OXCT1: variants seen among roughly 807,000 people sequenced by gnomAD.
OXCT1 encodes succinyl-CoA:3-ketoacid coenzyme A transferase 1, mitochondrial.
OXCT1 carries 27 observed loss-of-function variants against 69.6 expected under a neutral mutation model. The observed-to-expected ratio is 0.39, with a 90% CI of 0.29 to 0.54. The LOEUF (loss-of-function observed/expected upper bound fraction) is 0.54. OXCT1 is among the 20% of genes least tolerant of loss of function. The probability of loss-of-function intolerance (pLI) is 0.72; values close to 1 mark genes in which losing one functional copy is unlikely to be tolerated. For synonymous variants in OXCT1, 202 were observed against 217.8 expected (o/e 0.93, Z 0.64); for missense variants, 437 against 650.2 (o/e 0.67, Z 3.57).
At chr5:41,852,278 G>A (rs188906298) in intron 4 of OXCT1, among the ~76,000 whole-genome samples, 1 of 152,310 alleles carries the variant, frequency 6.6e-6, no homozygotes, top group Admixed American at 6.5e-5. Context: ...GTATGTACAG[G>A]TAACGGTGCT....
At chr5:41,792,669 C>T (rs934695743) in intron 13 of OXCT1, among the ~76,000 whole-genome samples, 1 of 152,186 alleles carries the variant, frequency 6.6e-6, no homozygotes, top group African/African-American at 2.4e-5. Context: ...GCTGCTAACC[C>T]TTGTAACTAT....
chr5:41,826,348 GTGCCTTGCCAGC>G, intron 7 of OXCT1, among the ~76,000 whole-genome samples: 1 of 152,284 alleles, frequency 6.6e-6, no homozygotes, highest in Middle Eastern at 3.4e-3. Flanking sequence ...TACAGAGGAT[GTGCCTTGCCAGC>G]TGCCATTTAC....
In OXCT1 at chr5:41,731,444, C is replaced by A; in HGVS notation, c.*285G>T. 1.0e-6 allele frequency: 1 copy of A among 972,480 alleles called. No individual in the cohort carries two copies. Among genetic ancestry groups the A allele is most frequent in the Non-Finnish European group, 1.3e-6 (1 of 754,120 alleles). 60.2% of individuals were successfully genotyped at this position (972,480 alleles called of 1,614,324 possible). A position where few individuals can be genotyped will look rare whatever the true frequency, so the allele number is the denominator to read the frequency against. The stretch of plus-strand genomic sequence containing the variant: ...TTGGGGAAAGGTTCATATAATTTAG[C>A]ATACATACCATATTCAGTGAAAATG... On this transcript the variant is annotated 3_prime_UTR_variant, in exon 17 of 17. Coordinates refer to ENST00000196371, the MANE Select transcript of OXCT1 (RefSeq NM_000436.4).
chr5:41,825,879 C>A (rs11744279), intron 7 of OXCT1, among the ~76,000 whole-genome samples: 35,882 of 152,140 alleles, frequency 0.24, 4,439 homozygotes, highest in Middle Eastern at 0.34. Context: ...AAAAAAGTCA[C>A]AGTGGTTATT....
chr5:41,868,591 C>G (rs976266222), intron 1 of OXCT1, among the ~76,000 whole-genome samples: 11 of 151,500 alleles, frequency 7.3e-5, no homozygotes, highest in South Asian at 6.2e-4. Flanking sequence ...GGCGTAGTGG[C>G]GGGCGCCTGT....
chr5:41,755,710 A>G (rs898040305), intron 14 of OXCT1, among the ~76,000 whole-genome samples: 1 of 152,140 alleles, frequency 6.6e-6, no homozygotes, highest in Non-Finnish European at 1.5e-5. Flanking sequence ...TTTCAGCTCT[A>G]TATGAGACCT....
intron 13 of OXCT1, among the ~76,000 whole-genome samples, chr5:41,766,662 A>G (rs953063129): frequency 4.6e-5 from 7 of 152,160 alleles, no homozygotes; most frequent in African/African-American, 1.7e-4. Flanking sequence ...GGAAAAATGA[A>G]TGCATTTGAA....
intron 13 of OXCT1, among the ~76,000 whole-genome samples, chr5:41,770,701 A>G (rs1453107559): frequency 6.6e-6 from 1 of 152,144 alleles, no homozygotes; most frequent in Non-Finnish European, 1.5e-5. Context: ...TCCTAAAACT[A>G]CCACTTCTGT....
In OXCT1 at chr5:41,844,117, G is replaced by C. The variant is rs78920251; in HGVS notation, c.565-1336C>G. Among the ~76,000 whole-genome samples, 388 of 152,262 alleles carry C rather than the reference G, an allele frequency of 2.5e-3. 2 individuals carry two copies. Among genetic ancestry groups the C allele is most frequent in the Non-Finnish European group, 4.2e-3 (284 of 68,016 alleles). ...TTATATTCTAGTTACATAATTTTCT[G>C]ATGTGTCTACATACCAGCTGTTGCT... On this transcript the variant is annotated intron_variant, in intron 5 of 16. Transcript: ENST00000196371.
rs370994229 is a variant in OXCT1, at chr5:41,862,712, A to G, written c.117T>C (p.His39=). Residue 39 remains histidine (H), a synonymous_variant, in exon 2 of 17, where the codon CAT becomes CAC. Transcript: ENST00000196371. ...VCSFSTSAHR[H]TKFYTDPVEA... Reference sequence around the variant, plus strand: ...CTACTGGATCTGTATAAAACTTGGTATGGCGATGAGCACTGGTGGAAAAGG... The same window carrying G: ...CTACTGGATCTGTATAAAACTTGGTGTGGCGATGAGCACTGGTGGAAAAGG... The G allele has an allele frequency of 6.2e-7, 1 of 1,612,806 alleles. No individual in the cohort carries two copies. Among genetic ancestry groups the G allele is most frequent in the African/African-American group, 1.3e-5 (1 of 74,854 alleles).
intron 7 of OXCT1, among the ~76,000 whole-genome samples, chr5:41,830,931 T>C (rs1748067931): frequency 6.6e-6 from 1 of 152,220 alleles, no homozygotes; most frequent in Admixed American, 6.5e-5. Flanking sequence ...ATTGGCCTGC[T>C]TAATAATGAA....
intron 16 of OXCT1, among the ~76,000 whole-genome samples, chr5:41,735,258 C>G (rs1232007066): frequency 6.6e-6 from 1 of 152,142 alleles, no homozygotes; most frequent in Non-Finnish European, 1.5e-5. Flanking sequence ...AAATATTATA[C>G]AGCCTTAAAA....
intron 5 of OXCT1, among the ~76,000 whole-genome samples, chr5:41,848,936 G>A (rs1404491178): frequency 6.6e-6 from 1 of 152,080 alleles, no homozygotes; most frequent in Non-Finnish European, 1.5e-5. Context: ...TGACAAATGG[G>A]GTCTAATTAA....
chr5:41,767,346 T>C (rs1744655890), intron 13 of OXCT1, among the ~76,000 whole-genome samples: 1 of 152,158 alleles, frequency 6.6e-6, no homozygotes, highest in African/African-American at 2.4e-5. Flanking sequence ...AATATAATTA[T>C]ATTCTCTATT....
intron 5 of OXCT1, among the ~76,000 whole-genome samples, chr5:41,846,255 A>G (rs1184854678): frequency 2.0e-5 from 3 of 147,138 alleles, no homozygotes; most frequent in South Asian, 2.2e-4. Flanking sequence ...AGCATTAGGG[A>G]TATCTCCCAA....
At chr5:41,773,199 G>A (rs939084959) in intron 13 of OXCT1, among the ~76,000 whole-genome samples, 1 of 151,862 alleles carries the variant, frequency 6.6e-6, no homozygotes, top group Non-Finnish European at 1.5e-5. Flanking sequence ...TATAAGATGG[G>A]GGAAAAAAAG....
chr5:41,831,761 G>A (rs1022766367), intron 7 of OXCT1, among the ~76,000 whole-genome samples: 2 of 152,086 alleles, frequency 1.3e-5, no homozygotes, highest in South Asian at 4.2e-4. Context: ...CTAAGGTGTT[G>A]GGCTCAGGAA....
chr5:41,820,225 C>T (rs1273444605), intron 7 of OXCT1, among the ~76,000 whole-genome samples: 1 of 152,116 alleles, frequency 6.6e-6, no homozygotes, highest in Non-Finnish European at 1.5e-5. Flanking sequence ...TATAGGGTGG[C>T]ATTTTTCACC....
chr5:41,805,574 G>A lies in OXCT1; in HGVS notation c.948C>T (p.Gly316=), dbSNP rs1746636658. 1 of 1,606,666 alleles carries A rather than the reference G, an allele frequency of 6.2e-7. No individual in the cohort carries two copies. Among genetic ancestry groups the A allele is most frequent in the Non-Finnish European group, 8.5e-7 (1 of 1,173,538 alleles). ...CAGAAGGATAAAGGATACCATACAT[G>A]CCATCCTCAAACTCAAGAGCGGCCC... The part of the protein sequence containing the change: ...IKRAALEFED[G]MYANLGIGIP... Residue 316 remains glycine (G), a synonymous_variant, in exon 9 of 17, where the codon GGC becomes GGT. Coordinates refer to ENST00000196371, the MANE Select transcript of OXCT1 (RefSeq NM_000436.4).
Sources: gnomAD v4.1 joint callset for allele counts (sites outside exome capture counted in the v4.1 genomes callset) on GRCh38, gnomAD v4.1.1 for gene constraint, MANE v1.5 for transcripts, NCBI Gene and HGNC (gene_info 2026-07-23, HGNC 2026-07-21) for gene names.